MDGA1: variants seen among roughly 807,000 people sequenced by gnomAD.
The protein encoded by MDGA1 is MAM domain containing glycosylphosphatidylinositol anchor 1, also known as MAM domain-containing glycosylphosphatidylinositol anchor protein 1.
In MDGA1, 54 loss-of-function variants were observed where a neutral mutation model predicts 101.5. The observed-to-expected ratio is 0.53, with a 90% CI of 0.43 to 0.67. The LOEUF is 0.67. MDGA1 is among the 30% of genes least tolerant of loss of function. MDGA1 has a pLI of 0.00. For missense variants in MDGA1, 1,083 were observed against 1,323.8 expected (o/e 0.82, Z 2.82); for synonymous variants, 533 against 558.3 (o/e 0.95, Z 0.64).
intron 1 of MDGA1, among the ~76,000 whole-genome samples, chr6:37,689,720 G>C (rs1487378052): frequency 6.6e-6 from 1 of 152,178 alleles, no homozygotes; most frequent in African/African-American, 2.4e-5. Context: ...TGTTCAACCT[G>C]TTATCACTGT....
Position 37,658,347 on chromosome 6 carries a change from G to A in MDGA1, c.280C>T (p.Arg94Cys), listed in dbSNP as rs1327917945. ...TGCGTGCGTGCAATACGCTCGATGC[G>A]CAGCGTCTCGTTGAACACCGATGTC... ...QETSVFNETL[R>C]IERIARTQGG... is the part of the protein sequence containing the mutation. Residue 94 changes from arginine to cysteine, a missense_variant, in exon 3 of 17, where the codon CGC becomes TGC. By Grantham distance (180) the Arg-to-Cys change is radical (BLOSUM62 -3). Around this residue, in one of 3 missense-constraint regions of MDGA1, gnomAD observed 310 missense variants for 355.9 expected, o/e 0.87. Coordinates refer to ENST00000434837, the MANE Select transcript of MDGA1 (RefSeq NM_153487.4). The A allele has an allele frequency of 2.5e-6, 4 of 1,613,050 alleles. No individual in the cohort carries two copies. Among genetic ancestry groups the A allele is most frequent in the East Asian group, 2.2e-5 (1 of 44,876 alleles).
chr6:37,669,047 C>T (rs1173587129), intron 1 of MDGA1, among the ~76,000 whole-genome samples: 2 of 152,068 alleles, frequency 1.3e-5, no homozygotes, highest in East Asian at 1.9e-4. Context: ...GGGTTTTCAC[C>T]GTGTTGGCCA....
intron 1 of MDGA1, among the ~76,000 whole-genome samples, chr6:37,680,807 G>C (rs566803326): frequency 6.6e-6 from 1 of 152,276 alleles, no homozygotes; most frequent in African/African-American, 2.4e-5. Flanking sequence ...GCCCAGATCT[G>C]GCACGGGCGC....
chr6:37,653,149 G>C (rs1761407258), intron 6 of MDGA1, among the ~76,000 whole-genome samples: 1 of 152,186 alleles, frequency 6.6e-6, no homozygotes, highest in Admixed American at 6.5e-5. Context: ...TCAGGTCTGT[G>C]CTGGGAAAGG....
chr6:37,654,989 C>A, intron 4 of MDGA1, 57 bp from the exon 5 acceptor site: 1 of 1,592,918 alleles, frequency 6.3e-7, no homozygotes, highest in South Asian at 1.1e-5. Flanking sequence ...AGGGATCCCG[C>A]ATACTCATTC....
intron 1 of MDGA1, among the ~76,000 whole-genome samples, chr6:37,676,902 GAAAAAAA>G (rs564072339): frequency 1.3e-4 from 9 of 71,480 alleles, no homozygotes; most frequent in South Asian, 1.0e-3. Context: ...CATCTCAACA[GAAAAAAA>G]AAAAAAAAAA....
chr6:37,660,441 C>T (rs1336866260), intron 2 of MDGA1, among the ~76,000 whole-genome samples: 1 of 152,168 alleles, frequency 6.6e-6, no homozygotes, highest in Non-Finnish European at 1.5e-5. Context: ...TCTCCTGTCT[C>T]TTTGTCTTCC....
chr6:37,649,125 G>A lies in MDGA1; in HGVS notation c.1751C>T (p.Pro584Leu), dbSNP rs1323335752. Residue 584 changes from proline to leucine, a missense_variant, in exon 9 of 17, where the codon CCG (proline) becomes CTG (leucine). Physicochemically the swap from Pro to Leu is moderately conservative, Grantham distance 98. This residue lies in a region of MDGA1 where 657 missense variants were observed against 771.4 expected (regional missense o/e 0.85). Coordinates refer to ENST00000434837, the MANE Select transcript of MDGA1 (RefSeq NM_153487.4). ...VWRFKGQLLP[P>L]PPVVPAAAEA... ...GGCGGCGGCGGGAACAACAGGCGGC[G>A]GCGGCAGCAGCTGCCCTTTGAAACG... The A allele has an allele frequency of 1.1e-5, 17 of 1,514,978 alleles. No individual in the cohort carries two copies. The highest frequency in any genetic ancestry group is 1.3e-5 in the Non-Finnish European group (15 of 1,135,828). 93.8% of individuals were successfully genotyped at this position (1,514,978 alleles called of 1,614,324 possible).
At chr6:37,660,407 A>G (rs956815125) in intron 2 of MDGA1, among the ~76,000 whole-genome samples, 41 of 151,834 alleles carry the variant, frequency 2.7e-4, no homozygotes, top group African/African-American at 9.4e-4. Flanking sequence ...TCTATCCTCC[A>G]TGTCTCTCAA....
At chr6:37,668,839 T>TTCTC (rs369039755) in intron 1 of MDGA1, among the ~76,000 whole-genome samples, 1 of 151,304 alleles carries the variant, frequency 6.6e-6, no homozygotes, top group Non-Finnish European at 1.5e-5. Flanking sequence ...TTTTCTCTCT[T>TTCTC]TCTCTCTCTC....
rs1554134044 is a variant in MDGA1, at chr6:37,655,561, AC to A, written c.579+138del. On this transcript the variant is annotated intron_variant, in intron 4 of 16. Coordinates refer to ENST00000434837, the MANE Select transcript of MDGA1 (RefSeq NM_153487.4). This position sits in a 1 kb window ranked among gnomAD's most constrained non-coding sequence, Gnocchi z 5.1. ...GATTTTTCTGCCCCAGGCTGTCTGA[AC>A]TCCAATCAGAATGTGTGTTTCCAAA... is the stretch of plus-strand genomic sequence containing the variant. 1.5e-6 allele frequency: 1 copy of A among 689,474 alleles called. No homozygotes were observed. The highest frequency in any genetic ancestry group is 2.4e-6 in the Non-Finnish European group (1 of 411,312). The allele number at this position is 689,474 out of a possible 1,614,324, so 42.7% of individuals were successfully genotyped here.
chr6:37,647,160 C>A lies in MDGA1; in HGVS notation c.2046+13G>T, dbSNP rs759187586. On this transcript the variant is annotated intron_variant, in intron 10 of 16. Coordinates refer to ENST00000434837, the MANE Select transcript of MDGA1 (RefSeq NM_153487.4). ...TCCACCTGCCCCCAGGCCCCCGCTCCCCCTTGGCCCACCTGGCGGATGCTG... is the reference window on the plus strand; with the variant it reads ...TCCACCTGCCCCCAGGCCCCCGCTCACCCTTGGCCCACCTGGCGGATGCTG... The A allele has an allele frequency of 3.1e-6, 5 of 1,588,020 alleles. No individual in the cohort carries two copies. Among genetic ancestry groups the A allele is most frequent in the South Asian group, 1.2e-5 (1 of 86,764 alleles).
chr6:37,646,367 C>G lies in MDGA1; in HGVS notation c.2055G>C (p.Gln685His). The change falls in exon 11 of 17, where the codon CAG becomes CAC. Residue 685 changes from glutamine (Q) to histidine (H), a missense_variant. Physicochemically the swap from Gln to His is conservative, Grantham distance 24 (BLOSUM62 0). This residue lies in a region of MDGA1 where 657 missense variants were observed against 771.4 expected (regional missense o/e 0.85). Coordinates refer to ENST00000434837, the MANE Select transcript of MDGA1 (RefSeq NM_153487.4). ...NYRLSIRQLNQHNAVVKAIPV... is the reference protein window; with the variant it reads ...NYRLSIRQLNHHNAVVKAIPV... ...GGATGGCCTTGACCACCGCATTGTG[C>G]TGGTTCAACTGTTAAGTACAGAGAG... 6.6e-7 allele frequency: 1 copy of G among 1,515,840 alleles called. No homozygotes were observed. The highest frequency in any genetic ancestry group is 8.9e-7 in the Non-Finnish European group (1 of 1,127,498). 93.9% of individuals were successfully genotyped at this position (1,515,840 alleles called of 1,614,324 possible).
intron 1 of MDGA1, among the ~76,000 whole-genome samples, chr6:37,690,272 G>A (rs1352390865): frequency 2.6e-5 from 4 of 152,148 alleles, no homozygotes; most frequent in South Asian, 2.1e-4. Context: ...CACACACAGC[G>A]GCATGGCTAC....
intron 16 of MDGA1, among the ~76,000 whole-genome samples, 195 bp from the exon 17 acceptor site, chr6:37,637,654 A>C (rs1188612612): frequency 6.6e-6 from 1 of 152,126 alleles, no homozygotes; most frequent in Non-Finnish European, 1.5e-5. Context: ...GGGTTAGCTC[A>C]GCCTGCCAGG....
At chr6:37,660,555 A>G (rs894166921) in intron 2 of MDGA1, among the ~76,000 whole-genome samples, 1 of 152,142 alleles carries the variant, frequency 6.6e-6, no homozygotes, top group African/African-American at 2.4e-5. Flanking sequence ...ACATTTTTAA[A>G]GACTGTATTA....
intron 6 of MDGA1, 117 bp downstream of exon 6, chr6:37,654,157 G>T: frequency 1.7e-6 from 2 of 1,197,302 alleles, no homozygotes; most frequent in South Asian, 1.7e-5. Flanking sequence ...TCCTCTGCAT[G>T]ACTCATCTAC....
rs1763917274 is a variant in MDGA1, at chr6:37,635,832, CAG to C, written c.*1534_*1535del. On this transcript the variant is annotated 3_prime_UTR_variant, in exon 17 of 17. Coordinates refer to ENST00000434837, the MANE Select transcript of MDGA1 (RefSeq NM_153487.4). ...CTTGAGACTACAGAACAGGGCTGGA[CAG>C]AGTCTATTCAGCCAGCACCCTACAA... 2.5e-6 allele frequency: 1 copy of C among 398,042 alleles called. No homozygotes were observed. The highest frequency in any genetic ancestry group is 4.4e-6 in the Non-Finnish European group (1 of 226,086). The allele number at this position is 398,042 out of a possible 1,614,324, so 24.7% of individuals were successfully genotyped here.
At chr6:37,648,698 T>C in intron 9 of MDGA1, 1 of 538,312 alleles carries the variant, frequency 1.9e-6, no homozygotes, top group East Asian at 3.5e-5. Context: ...TAGGCGGGCC[T>C]TGGAAGGCGA....
Sources: allele counts gnomAD v4.1 joint callset (sites outside exome capture counted in the v4.1 genomes callset), GRCh38; gene constraint gnomAD v4.1.1; regional missense constraint gnomAD v4.1.1; non-coding constraint Gnocchi (gnomAD v3.1); transcripts MANE v1.5; gene names NCBI Gene and HGNC (gene_info 2026-07-23, HGNC 2026-07-21).